TMEM163: variants seen among roughly 807,000 people sequenced by gnomAD.
TMEM163 encodes the protein transmembrane protein 163.
Under a neutral mutation model 29.3 loss-of-function variants are expected in TMEM163, and 17 were observed. The observed-to-expected ratio is 0.58, with a 90% CI of 0.40 to 0.87. The LOEUF is 0.87. TMEM163 is among the 40% of genes least tolerant of loss of function. The pLI is 0.00. For missense variants in TMEM163, 303 were observed against 381.5 expected, an observed-to-expected ratio of 0.79 and a Z score of 1.71; for synonymous variants, 157 against 160.6, an observed-to-expected ratio of 0.98 and a Z score of 0.17.
At chr2:134,576,564 A>G (rs780601665) in intron 2 of TMEM163, among the ~76,000 whole-genome samples, 3 of 152,112 alleles carry the variant, frequency 2.0e-5, no homozygotes, top group Non-Finnish European at 4.4e-5. Flanking sequence ...AGAGGCCAAG[A>G]TTTTCTTTTT....
Position 134,460,075 on chromosome 2 carries a change from A to AC in TMEM163, c.668-1903dup, listed in dbSNP as rs5834416. On this transcript the variant is annotated intron_variant, in intron 6 of 7. Coordinates refer to ENST00000281924, the MANE Select transcript of TMEM163 (RefSeq NM_030923.5). The surrounding 1 kb of genome is among the most constrained non-coding windows in gnomAD (Gnocchi z 4.3). ...CCCCTCGAGCCCCTTGCCAGATGTT[A>AC]CCCCCCCCCAAATTCATTCTCACTC... Among the ~76,000 whole-genome samples the AC allele has an allele frequency of 0.41, 48,228 of 118,568 alleles. 9,477 individuals carry two copies. Among genetic ancestry groups the AC allele is most frequent in the East Asian group, 0.74 (2,627 of 3,556 alleles). 77.8% of individuals were successfully genotyped at this position (118,568 alleles called of 152,430 possible).
intron 5 of TMEM163, among the ~76,000 whole-genome samples, chr2:134,491,985 A>T (rs1325518623): frequency 1.3e-5 from 2 of 152,220 alleles, no homozygotes; most frequent in Admixed American, 1.3e-4. Context: ...TTACGTGGTT[A>T]GCACCCTCCA....
chr2:134,549,675 A>G (rs1426731560), intron 4 of TMEM163, among the ~76,000 whole-genome samples: 1 of 152,176 alleles, frequency 6.6e-6, no homozygotes, highest in Non-Finnish European at 1.5e-5. Flanking sequence ...ATACCACTAC[A>G]AACCACAGAA....
At chr2:134,611,783 C>T (rs916956174) in intron 2 of TMEM163, among the ~76,000 whole-genome samples, 2 of 152,154 alleles carry the variant, frequency 1.3e-5, no homozygotes, top group Non-Finnish European at 2.9e-5. Context: ...AGAAACCACC[C>T]GGAACACCTG....
At chr2:134,512,013 G>A (rs1467234786) in intron 4 of TMEM163, among the ~76,000 whole-genome samples, 1 of 152,194 alleles carries the variant, frequency 6.6e-6, no homozygotes, top group Non-Finnish European at 1.5e-5. Flanking sequence ...CATGGTTTTT[G>A]TAGTTGTGTG....
chr2:134,461,906 C>T (rs1267044559), intron 6 of TMEM163, among the ~76,000 whole-genome samples: 1 of 152,196 alleles, frequency 6.6e-6, no homozygotes, highest in Non-Finnish European at 1.5e-5. Flanking sequence ...ACAGCCATGG[C>T]TCCCTGAGCC....
chr2:134,713,713 A>T, intron 1 of TMEM163: 1 of 459,388 alleles, frequency 2.2e-6, no homozygotes, highest in Non-Finnish European at 4.4e-6. Context: ...AACCACCCAC[A>T]TTCAGCTGGG....
At chr2:134,681,286 T>C (rs1684226798) in intron 2 of TMEM163, among the ~76,000 whole-genome samples, 1 of 152,204 alleles carries the variant, frequency 6.6e-6, no homozygotes, top group South Asian at 2.1e-4. Context: ...GTGACCCCGA[T>C]GGGTACTGAT....
At chr2:134,704,373 A>G (rs1345861172) in intron 2 of TMEM163, among the ~76,000 whole-genome samples, 1 of 152,070 alleles carries the variant, frequency 6.6e-6, no homozygotes, top group Non-Finnish European at 1.5e-5. Flanking sequence ...CCACTGAAGG[A>G]CGCTGCCTCC....
chr2:134,674,110 C>T (rs1164650965), intron 2 of TMEM163, among the ~76,000 whole-genome samples: 2 of 152,130 alleles, frequency 1.3e-5, no homozygotes, highest in Non-Finnish European at 2.9e-5. Context: ...TGGTCTATTC[C>T]TCATTTATGT....
At chr2:134,627,548 C>G (rs1343710870) in intron 2 of TMEM163, among the ~76,000 whole-genome samples, 1 of 152,122 alleles carries the variant, frequency 6.6e-6, no homozygotes, top group Admixed American at 6.6e-5. Flanking sequence ...TTAACAACCA[C>G]ATAGAAACAG....
At chr2:134,640,886 A>G (rs1309373269) in intron 2 of TMEM163, among the ~76,000 whole-genome samples, 2 of 152,206 alleles carry the variant, frequency 1.3e-5, no homozygotes, top group South Asian at 2.1e-4. Context: ...AAAAGATAAC[A>G]TGAAGAAATC....
intron 4 of TMEM163, among the ~76,000 whole-genome samples, chr2:134,505,030 A>G (rs1679789376): frequency 6.6e-6 from 1 of 152,118 alleles, no homozygotes; most frequent in South Asian, 2.1e-4. Context: ...CTATGAGCAC[A>G]TGTGCATGAG....
At chr2:134,580,519 G>A (rs890443259) in intron 2 of TMEM163, among the ~76,000 whole-genome samples, 2 of 152,124 alleles carry the variant, frequency 1.3e-5, no homozygotes, top group African/African-American at 2.4e-5. Context: ...AAGTGTATAC[G>A]GAATAAAATT....
chr2:134,714,865 C>G (rs16830954), intron 1 of TMEM163, among the ~76,000 whole-genome samples: 4,421 of 152,276 alleles, frequency 0.029, 78 homozygotes, highest in African/African-American at 0.045. Flanking sequence ...GTCCCTTTGT[C>G]TATATCTTCC....
intron 2 of TMEM163, among the ~76,000 whole-genome samples, chr2:134,588,060 ATAAGCCAAAGTCTACT>A (rs1310126486): frequency 6.6e-6 from 1 of 152,248 alleles, no homozygotes; most frequent in East Asian, 1.9e-4. Context: ...TAACATCTCC[ATAAGCCAAAGTCTACT>A]TACCCTGTGG....
At chr2:134,533,761 C>G (rs1180565826) in intron 4 of TMEM163, among the ~76,000 whole-genome samples, 1 of 152,166 alleles carries the variant, frequency 6.6e-6, no homozygotes, top group Non-Finnish European at 1.5e-5. Context: ...GCTCCCGAGG[C>G]TCAGCTGCAT....
chr2:134,468,640 C>T (rs556491771), intron 5 of TMEM163: 1 of 152,214 alleles, frequency 6.6e-6, no homozygotes, highest in Non-Finnish European at 1.5e-5. Flanking sequence ...GCCTGAATCC[C>T]CTTTGGCTCC....
At chr2:134,637,110 C>A (rs1425660243) in intron 2 of TMEM163, among the ~76,000 whole-genome samples, 2 of 152,240 alleles carry the variant, frequency 1.3e-5, no homozygotes, top group Admixed American at 6.5e-5. Flanking sequence ...TCTGTCTTGA[C>A]AAATTAGCTC....
Sources: allele counts gnomAD v4.1 joint callset (sites outside exome capture counted in the v4.1 genomes callset), GRCh38; gene constraint gnomAD v4.1.1; non-coding constraint Gnocchi (gnomAD v3.1); transcripts MANE v1.5; gene names NCBI Gene and HGNC (gene_info 2026-07-23, HGNC 2026-07-21).